Variants in CTSO observed in about 807,000 individuals in gnomAD.
CTSO encodes cathepsin O.
CTSO carries 40 observed loss-of-function variants against 42.4 expected under a neutral mutation model. The observed-to-expected ratio is 0.94, with a 90% CI of 0.73 to 1.23. The LOEUF (loss-of-function observed/expected upper bound fraction) is 1.23, where lower values mean the gene tolerates loss of function less well. Among genes scored for constraint, CTSO ranks in the 50% most tolerant of loss-of-function variants. The pLI is 0.00. For synonymous variants in CTSO, 156 were observed against 146.2 expected, an observed-to-expected ratio of 1.07 and a Z score of -0.48; for missense variants, 441 against 396.0, an observed-to-expected ratio of 1.11 and a Z score of -0.96.
In CTSO at chr4:155,947,681, C is replaced by T. The variant is rs541754646; in HGVS notation, c.136-4417G>A. Among the ~76,000 whole-genome samples the T allele has an allele frequency of 3.3e-5, 5 of 152,154 alleles. No homozygotes were observed. In the East Asian group the frequency reaches 5.8e-4, roughly 18 times the overall value. On this transcript the variant is annotated intron_variant, in intron 1 of 7. Coordinates refer to ENST00000433477, the MANE Select transcript of CTSO (RefSeq NM_001334.3). ...TATCAATTCTTTTAAGTGACTTTTC[C>T]GGTCTCTCTTGATTCTGGCTATTAA...
At chr4:155,953,275 GA>G (rs997694677) in intron 1 of CTSO, among the ~76,000 whole-genome samples, 17 of 147,668 alleles carry the variant, frequency 1.2e-4, no homozygotes, top group African/African-American at 3.7e-4. Context: ...CCCTCCTCGG[GA>G]AAAAAAAACA....
chr4:155,931,206 T>A (rs1743228060), intron 5 of CTSO, among the ~76,000 whole-genome samples: 1 of 152,164 alleles, frequency 6.6e-6, no homozygotes, highest in African/African-American at 2.4e-5. Context: ...GTATATCTTA[T>A]TGTATCAAAA....
intron 1 of CTSO, among the ~76,000 whole-genome samples, chr4:155,945,041 G>A (rs993708576): frequency 1.3e-5 from 2 of 150,798 alleles, no homozygotes; most frequent in Non-Finnish European, 2.9e-5. Flanking sequence ...TGGATCATCT[G>A]AGGTCAGGAG....
intron 1 of CTSO, among the ~76,000 whole-genome samples, chr4:155,949,503 G>A (rs1384532417): frequency 1.3e-5 from 2 of 152,070 alleles, no homozygotes; most frequent in Admixed American, 6.5e-5. Flanking sequence ...AATTAACAGA[G>A]ACACCTAAGG....
In CTSO at chr4:155,925,392, T is replaced by A. The variant is rs916338148; in HGVS notation, c.*644A>T. On this transcript the variant is annotated 3_prime_UTR_variant, in exon 8 of 8. Coordinates refer to ENST00000433477, the MANE Select transcript of CTSO (RefSeq NM_001334.3). ...ATGCTACTAGAAGTTACTTATATAG[T>A]TGCCTTATTGTTCATTTAATTTCAG... The A allele has an allele frequency of 9.2e-5, 14 of 152,226 alleles. No homozygotes were observed. The highest frequency in any genetic ancestry group is 3.4e-4 in the African/African-American group (14 of 41,456). 9.4% of individuals were successfully genotyped at this position (152,226 alleles called of 1,614,324 possible). A position where few individuals can be genotyped will look rare whatever the true frequency, so the allele number is the denominator to read the frequency against.
In CTSO at chr4:155,937,354, A is replaced by G. The variant is rs1408988423; in HGVS notation, c.674+8T>C. On this transcript the variant is annotated splice_region_variant and intron_variant, in intron 5 of 7. Transcript: ENST00000433477. ...ATAAAGAAAAACATAATACAATAAGATCTTTACCTGAAGTCATATGCAGAA... is the reference window on the plus strand; with the variant it reads ...ATAAAGAAAAACATAATACAATAAGGTCTTTACCTGAAGTCATATGCAGAA... The G allele has an allele frequency of 6.3e-7, 1 of 1,596,448 alleles. No homozygotes were observed. The highest frequency in any genetic ancestry group is 2.2e-5 in the East Asian group (1 of 44,718).
At chr4:155,940,938 A>G (rs1579345243) in intron 3 of CTSO, among the ~76,000 whole-genome samples, 3 of 152,298 alleles carry the variant, frequency 2.0e-5, no homozygotes, top group African/African-American at 7.2e-5. Context: ...AAAAAAAAAA[A>G]AAAGTCTCTC....
chr4:155,948,797 G>A (rs560645544), intron 1 of CTSO, among the ~76,000 whole-genome samples: 19 of 152,240 alleles, frequency 1.2e-4, no homozygotes, highest in African/African-American at 3.6e-4. Flanking sequence ...ATAATGCTCC[G>A]GCTAGGGTAA....
intron 1 of CTSO, 27 bp from the exon 2 acceptor site, chr4:155,943,291 T>C (rs1560789469): frequency 7.2e-7 from 1 of 1,379,756 alleles, no homozygotes; most frequent in South Asian, 1.2e-5. Context: ...AACTATTTCA[T>C]ATCCACTATG....
intron 4 of CTSO, among the ~76,000 whole-genome samples, chr4:155,938,236 A>T (rs1231725498): frequency 6.6e-6 from 1 of 152,118 alleles, no homozygotes; most frequent in East Asian, 1.9e-4. Flanking sequence ...TATGTCAAAT[A>T]CTTCATAGTT....
intron 5 of CTSO, among the ~76,000 whole-genome samples, 172 bp downstream of exon 5, chr4:155,937,190 A>G (rs747997590): frequency 1.3e-5 from 2 of 152,180 alleles, no homozygotes; most frequent in African/African-American, 2.4e-5. Context: ...GTAGATTATA[A>G]TTAAGAAACA....
intron 3 of CTSO, among the ~76,000 whole-genome samples, chr4:155,940,178 C>T (rs929166134): frequency 1.2e-4 from 19 of 152,218 alleles, no homozygotes; most frequent in African/African-American, 4.6e-4. Context: ...GCCAATCATG[C>T]TGATAGTGGA....
intron 1 of CTSO, among the ~76,000 whole-genome samples, chr4:155,952,329 A>G (rs4691174): frequency 0.16 from 24,237 of 152,024 alleles, 2,526 homozygotes; most frequent in Non-Finnish European, 0.24. Flanking sequence ...AATTATACAC[A>G]TATATATTTA....
chr4:155,929,477 T>C, intron 6 of CTSO, 65 bp downstream of exon 6: 3 of 1,504,824 alleles, frequency 2.0e-6, no homozygotes, highest in Non-Finnish European at 1.8e-6. Context: ...TTCTACAGTA[T>C]GGTGATCATT....
At chr4:155,930,824 C>T (rs1282634287) in intron 5 of CTSO, among the ~76,000 whole-genome samples, 1 of 152,056 alleles carries the variant, frequency 6.6e-6, no homozygotes, top group Non-Finnish European at 1.5e-5. Context: ...TAACTATTAA[C>T]ATGAATATCT....
At chr4:155,935,892 C>T (rs1275092748) in intron 5 of CTSO, among the ~76,000 whole-genome samples, 2 of 152,080 alleles carry the variant, frequency 1.3e-5, no homozygotes, top group African/African-American at 4.8e-5. Flanking sequence ...TGATTGGGAC[C>T]TCTTCCTTCC....
intron 3 of CTSO, among the ~76,000 whole-genome samples, chr4:155,940,351 A>T (rs1402105084): frequency 6.6e-6 from 1 of 152,060 alleles, no homozygotes; most frequent in African/African-American, 2.4e-5. Flanking sequence ...TTGAGACTGG[A>T]TGAAACTAAC....
chr4:155,938,314 C>T (rs1052189015), intron 4 of CTSO, among the ~76,000 whole-genome samples: 10 of 152,154 alleles, frequency 6.6e-5, no homozygotes, highest in Admixed American at 3.9e-4. Context: ...AATTCATTGT[C>T]GTCTACAGTG....
chr4:155,933,180 T>C (rs1743265013), intron 5 of CTSO, among the ~76,000 whole-genome samples: 1 of 151,862 alleles, frequency 6.6e-6, no homozygotes. Context: ...CAGGGGGAGG[T>C]AATTGAATCA....
Sources: gnomAD v4.1 joint callset for allele counts (sites outside exome capture counted in the v4.1 genomes callset) on GRCh38, gnomAD v4.1.1 for gene constraint, MANE v1.5 for transcripts, NCBI Gene and HGNC (gene_info 2026-07-23, HGNC 2026-07-21) for gene names.